The following IQSEC1 variants were observed in gnomAD, a reference collection of about 807,000 sequenced individuals.
IQSEC1 encodes the protein IQ motif and SEC7 domain-containing protein 1.
A neutral mutation model predicts 91.0 loss-of-function variants in IQSEC1; 31 were observed. The observed-to-expected ratio is 0.34, with a 90% CI of 0.26 to 0.46. The LOEUF (loss-of-function observed/expected upper bound fraction) is 0.46, where lower values mean the gene tolerates loss of function less well. IQSEC1 is among the 20% of genes least tolerant of loss of function. The pLI is 1.00. For synonymous variants in IQSEC1, 699 were observed against 662.6 expected, an observed-to-expected ratio of 1.05 and a Z score of -0.84; for missense variants, 1,388 against 1,575.6, an observed-to-expected ratio of 0.88 and a Z score of 2.02.
rs981442276 is a variant in IQSEC1 at position 12,992,998 on chromosome 3, T to C, written c.24-51133A>G. 6.6e-6 allele frequency among the ~76,000 whole-genome samples: 1 copy of C among 150,680 alleles called. No homozygotes were observed. Among genetic ancestry groups the C allele is most frequent in the Admixed American group, 6.6e-5 (1 of 15,160 alleles). The stretch of plus-strand genomic sequence containing the variant: ...CGGGAGGTTGCGGTGGGGGCGGGGG[T>C]CCCACACTCTAAGACCCTGGCCCAG... On this transcript the variant is annotated intron_variant, in intron 1 of 13. Transcript: ENST00000613206. The surrounding 1 kb of genome is among the most constrained non-coding windows in gnomAD (Gnocchi z 4.1).
chr3:13,162,273 G>T (rs1018746996), intron 2 of IQSEC1, among the ~76,000 whole-genome samples: 1 of 152,168 alleles, frequency 6.6e-6, no homozygotes, highest in Non-Finnish European at 1.5e-5. Flanking sequence ...AGGGCACCTT[G>T]GGGGGATTGG....
At chr3:13,239,804 C>T (rs980030857) in intron 1 of IQSEC1, among the ~76,000 whole-genome samples, 5 of 152,230 alleles carry the variant, frequency 3.3e-5, no homozygotes, top group Admixed American at 6.5e-5. Context: ...TGCAGGACCA[C>T]GTTGCGAAGA....
intron 12 of IQSEC1, among the ~76,000 whole-genome samples, chr3:12,903,479 G>A (rs905018601): frequency 1.3e-5 from 2 of 152,184 alleles, no homozygotes; most frequent in African/African-American, 2.4e-5. Flanking sequence ...GGATTCCTCT[G>A]CTTGGTACCA....
intron 1 of IQSEC1, among the ~76,000 whole-genome samples, chr3:13,265,411 A>G (rs907747783): frequency 1.3e-5 from 2 of 152,150 alleles, no homozygotes; most frequent in African/African-American, 4.8e-5. Flanking sequence ...CACTCCCTCA[A>G]ACTCTGAGGT....
rs1695807007 is a variant in IQSEC1 at position 13,282,278 on chromosome 3, C to A, written c.272+433G>T. ...CAAGCGACCCAGGCCCGCTCCAGGG[C>A]GGGATCCGCGCGGCCCGCGACCCCT... On this transcript the variant is annotated intron_variant, in intron 1 of 15. Transcript: ENST00000648114. This position sits in a 1 kb window ranked among gnomAD's most constrained non-coding sequence, Gnocchi z 6.4. Among the ~76,000 whole-genome samples the A allele has an allele frequency of 6.6e-6, 1 of 152,178 alleles. No individual in the cohort carries two copies. The highest frequency in any genetic ancestry group is 2.4e-5 in the African/African-American group (1 of 41,452).
intron 6 of IQSEC1, among the ~76,000 whole-genome samples, chr3:12,917,097 T>G (rs1392687527): frequency 1.3e-5 from 2 of 152,180 alleles, no homozygotes; most frequent in Non-Finnish European, 2.9e-5. Context: ...TAGACATTAT[T>G]TTTAGAGCAG....
At chr3:13,141,486 T>C (rs981391235) in intron 2 of IQSEC1, among the ~76,000 whole-genome samples, 3 of 152,188 alleles carry the variant, frequency 2.0e-5, no homozygotes, top group Admixed American at 1.3e-4. Flanking sequence ...CCTCCCTTCT[T>C]GCTTAAAATA....
In IQSEC1 at chr3:12,994,202, C is replaced by G. The variant is rs979510187; in HGVS notation, c.24-52337G>C. Reference sequence around the variant, plus strand: ...GCGCTCGGGAGCCGGAGCCGGAGCCCGAGCCCGATACCAGCGCCACCGGCG... The same window carrying G: ...GCGCTCGGGAGCCGGAGCCGGAGCCGGAGCCCGATACCAGCGCCACCGGCG... On this transcript the variant is annotated intron_variant, in intron 1 of 13. Coordinates refer to ENST00000613206, the MANE Select transcript of IQSEC1 (RefSeq NM_001134382.3). The surrounding 1 kb of genome is among the most constrained non-coding windows in gnomAD (Gnocchi z 4.5). 1.6e-4 allele frequency among the ~76,000 whole-genome samples: 24 copies of G among 148,472 alleles called. No individual in the cohort carries two copies. Among genetic ancestry groups the G allele is most frequent in the Admixed American group, 4.7e-4 (7 of 14,960 alleles).
chr3:12,982,874 G>A (rs1167402557), intron 1 of IQSEC1, among the ~76,000 whole-genome samples: 4 of 152,240 alleles, frequency 2.6e-5, no homozygotes, highest in Non-Finnish European at 4.4e-5. Flanking sequence ...GGAGGAAACC[G>A]AGGCTGTTTG....
At chr3:12,939,327 A>G (rs1255545783) in intron 2 of IQSEC1, among the ~76,000 whole-genome samples, 3 of 152,234 alleles carry the variant, frequency 2.0e-5, no homozygotes, top group African/African-American at 7.2e-5. Flanking sequence ...AATGCCCTTC[A>G]GCAAAGCAGA....
chr3:13,021,323 C>A (rs1703388225), intron 1 of IQSEC1, among the ~76,000 whole-genome samples: 1 of 152,206 alleles, frequency 6.6e-6, no homozygotes. Flanking sequence ...TCCACCCTTT[C>A]ATTCTCACCA....
chr3:12,968,083 C>G (rs1700724244), intron 1 of IQSEC1, among the ~76,000 whole-genome samples: 1 of 152,232 alleles, frequency 6.6e-6, no homozygotes. Flanking sequence ...GCCATGTCTT[C>G]CTCTCCAGCG....
Position 12,934,757 on chromosome 3 carries a change from C to T in IQSEC1, c.1568+691G>A, listed in dbSNP as rs115447474. ...AGAATAGTCTGCTTTAAATACCCATCGCTCCTTGGATCTGCTCTCAGGATG... is the reference window on the plus strand; with the variant it reads ...AGAATAGTCTGCTTTAAATACCCATTGCTCCTTGGATCTGCTCTCAGGATG... On this transcript the variant is annotated intron_variant, in intron 3 of 13. Transcript: ENST00000613206. 2.8e-3 allele frequency among the ~76,000 whole-genome samples: 429 copies of T among 152,244 alleles called. 2 individuals are homozygous for T. Among genetic ancestry groups the T allele is most frequent in the African/African-American group, 9.2e-3 (382 of 41,532 alleles).
At chr3:13,094,896 C>A (rs1705927793) in intron 2 of IQSEC1, among the ~76,000 whole-genome samples, 1 of 152,140 alleles carries the variant, frequency 6.6e-6, no homozygotes, top group Admixed American at 6.5e-5. Context: ...TTTCGATGGA[C>A]CATGGACACA....
intron 1 of IQSEC1, among the ~76,000 whole-genome samples, chr3:13,177,389 G>A (rs1693752066): frequency 6.6e-6 from 1 of 152,192 alleles, no homozygotes; most frequent in African/African-American, 2.4e-5. Flanking sequence ...GGCTTCCCCT[G>A]AGAGTGCACA....
intron 1 of IQSEC1, among the ~76,000 whole-genome samples, chr3:12,982,254 G>C (rs1410867230): frequency 6.6e-6 from 1 of 152,158 alleles, no homozygotes; most frequent in East Asian, 1.9e-4. Flanking sequence ...TGGTTCTCAA[G>C]CTTTTTGGTG....
At chr3:13,128,774 G>A (rs1706559728) in intron 2 of IQSEC1, among the ~76,000 whole-genome samples, 1 of 151,588 alleles carries the variant, frequency 6.6e-6, no homozygotes, top group Admixed American at 6.6e-5. Context: ...CTACTCAAGA[G>A]GCTGAGGCAG....
At chr3:12,902,944 G>C in intron 12 of IQSEC1, 122 bp from the exon 13 acceptor site, 1 of 753,800 alleles carries the variant, frequency 1.3e-6, no homozygotes, top group South Asian at 1.5e-5. Flanking sequence ...CAGGTGCCGG[G>C]CCCACCTGCC....
intron 1 of IQSEC1, among the ~76,000 whole-genome samples, chr3:13,233,217 C>T (rs899158922): frequency 6.6e-6 from 1 of 152,216 alleles, no homozygotes; most frequent in Non-Finnish European, 1.5e-5. Context: ...CTCTTAGAGA[C>T]CCAGACTTCA....
Sources: allele counts gnomAD v4.1 joint callset (sites outside exome capture counted in the v4.1 genomes callset), GRCh38; gene constraint gnomAD v4.1.1; non-coding constraint Gnocchi (gnomAD v3.1); transcripts MANE v1.5; gene names NCBI Gene and HGNC (gene_info 2026-07-23, HGNC 2026-07-21).